SYNE1: variants seen among roughly 807,000 people sequenced by gnomAD.
SYNE1 encodes the protein spectrin repeat containing nuclear envelope protein 1.
A neutral mutation model predicts 1,111.0 loss-of-function variants in SYNE1; 616 were observed. The ratio of observed to expected loss-of-function variants is 0.55; its 90% CI spans 0.52 to 0.59. SYNE1 has a LOEUF of 0.59. Among genes scored for constraint, SYNE1 ranks in the 20% least tolerant of loss-of-function variants. The pLI is 0.00. For synonymous variants in SYNE1, 3,855 were observed against 3,825.8 expected (o/e 1.01, Z -0.28); for missense variants, 10,006 against 10,417.0 (o/e 0.96, Z 1.72).
chr6:152,125,355 T>C, intron 145 of SYNE1: 1 of 1,550,048 alleles, frequency 6.5e-7, no homozygotes. Context: ...CTAAAGCCTC[T>C]GGTCATAAGG....
chr6:152,468,878 C>T (rs1014222686), intron 16 of SYNE1, among the ~76,000 whole-genome samples: 1 of 152,108 alleles, frequency 6.6e-6, no homozygotes, highest in Admixed American at 6.6e-5. Flanking sequence ...AGGGCTCAAG[C>T]CATCCTCCTG....
chr6:152,526,592 A>G (rs1384881985), intron 4 of SYNE1, among the ~76,000 whole-genome samples: 1 of 152,196 alleles, frequency 6.6e-6, no homozygotes, highest in Non-Finnish European at 1.5e-5. Flanking sequence ...TGCAAGACAC[A>G]TTACTGGGGC....
At chr6:152,265,237 C>T (rs1228036589) in intron 100 of SYNE1, among the ~76,000 whole-genome samples, 1 of 124,162 alleles carries the variant, frequency 8.1e-6, no homozygotes, top group Non-Finnish European at 1.7e-5. Flanking sequence ...GCAATAGTAA[C>T]AATAATAATA....
At position 152,215,239 on chromosome 6, in the gene SYNE1, T is replaced by A. The variant is rs2763030; in HGVS notation, c.22192-179A>T. 0.84 allele frequency among the ~76,000 whole-genome samples: 127,457 copies of A among 152,162 alleles called. 53,479 individuals are homozygous for A. The highest frequency in any genetic ancestry group is 0.86 in the African/African-American group (35,785 of 41,514). On this transcript the variant is annotated intron_variant, in intron 121 of 145. Coordinates refer to ENST00000367255, the MANE Select transcript of SYNE1 (RefSeq NM_182961.4). Reference sequence around the variant, plus strand: ...CGAATAGCGAAAAGCCAAATCTACTTTTCAGTCTAAACTGCTGCTGCTGCT... The same window carrying A: ...CGAATAGCGAAAAGCCAAATCTACTATTCAGTCTAAACTGCTGCTGCTGCT...
At chr6:152,306,301 C>T (rs1035192133) in intron 91 of SYNE1, among the ~76,000 whole-genome samples, 3 of 152,046 alleles carry the variant, frequency 2.0e-5, no homozygotes, top group South Asian at 2.1e-4. Context: ...GCCTGGCCAA[C>T]GTGGTGAAAC....
At chr6:152,486,010 C>T (rs1638714581) in intron 12 of SYNE1, among the ~76,000 whole-genome samples, 1 of 152,054 alleles carries the variant, frequency 6.6e-6, no homozygotes, top group South Asian at 2.1e-4. Flanking sequence ...TCCTGGCCAA[C>T]ATGGTGAAAG....
chr6:152,175,394 C>A (rs976685514), intron 130 of SYNE1, among the ~76,000 whole-genome samples: 1 of 152,148 alleles, frequency 6.6e-6, no homozygotes, highest in African/African-American at 2.4e-5. Context: ...GCACATGGTA[C>A]GCAGAGGACA....
intron 16 of SYNE1, among the ~76,000 whole-genome samples, chr6:152,466,916 T>G (rs2098772774): frequency 6.6e-6 from 1 of 152,124 alleles, no homozygotes; most frequent in Non-Finnish European, 1.5e-5. Context: ...TTGATAAATG[T>G]CACGGTCATA....
chr6:152,288,194 T>G (rs2094430698), intron 95 of SYNE1, among the ~76,000 whole-genome samples: 1 of 152,068 alleles, frequency 6.6e-6, no homozygotes, highest in Non-Finnish European at 1.5e-5. Context: ...CACACTGTGT[T>G]CATTCTCATC....
At chr6:152,236,003 A>G in intron 110 of SYNE1, 104 bp downstream of exon 110, 1 of 1,315,558 alleles carries the variant, frequency 7.6e-7, no homozygotes, top group Non-Finnish European at 1.1e-6. Flanking sequence ...TTGGCCACCC[A>G]AGTAATGAGA....
chr6:152,383,083 A>G (rs543902132), intron 55 of SYNE1, among the ~76,000 whole-genome samples: 1 of 152,270 alleles, frequency 6.6e-6, no homozygotes, highest in African/African-American at 2.4e-5. Context: ...ATTTCCTCCA[A>G]GGTTTTTAAA....
At chr6:152,428,171 G>A in intron 37 of SYNE1, 34 bp downstream of exon 37, 1 of 1,609,946 alleles carries the variant, frequency 6.2e-7, no homozygotes, top group Non-Finnish European at 8.5e-7. Context: ...TTCCTATTTA[G>A]TAGTGCAGCA....
intron 4 of SYNE1, among the ~76,000 whole-genome samples, chr6:152,534,772 A>G (rs1272664548): frequency 6.6e-6 from 1 of 152,234 alleles, no homozygotes; most frequent in African/African-American, 2.4e-5. Context: ...GTTATCTTTC[A>G]GCACTGCTGG....
chr6:152,419,462 A>T (rs1447256538), intron 40 of SYNE1, 107 bp downstream of exon 40: 1 of 1,177,604 alleles, frequency 8.5e-7, no homozygotes, highest in Admixed American at 2.6e-5. Flanking sequence ...TAAAAAGTTA[A>T]ATTCTCACCA....
chr6:152,453,001 T>A (rs556520607), intron 25 of SYNE1, among the ~76,000 whole-genome samples: 1 of 152,350 alleles, frequency 6.6e-6, no homozygotes, highest in Admixed American at 6.5e-5. Flanking sequence ...TCCACCTCCC[T>A]CTTTCAAAGC....
At chr6:152,559,635 G>A (rs1000468884) in intron 3 of SYNE1, among the ~76,000 whole-genome samples, 1 of 152,084 alleles carries the variant, frequency 6.6e-6, no homozygotes, top group Non-Finnish European at 1.5e-5. Flanking sequence ...AACAAAATAA[G>A]TTCTAAGAGG....
intron 4 of SYNE1, among the ~76,000 whole-genome samples, chr6:152,538,438 C>T (rs1371570867): frequency 6.6e-6 from 1 of 152,032 alleles, no homozygotes; most frequent in East Asian, 1.9e-4. Flanking sequence ...GAACAATATC[C>T]TATAAAACCA....
Position 152,505,338 on chromosome 6 carries a change from T to C in SYNE1, c.641A>G (p.His214Arg), listed in dbSNP as rs1564513357. 2.5e-6 allele frequency: 4 copies of C among 1,614,020 alleles called. No homozygotes were observed. The highest frequency in any genetic ancestry group is 3.4e-6 in the Non-Finnish European group (4 of 1,180,016). The change falls in exon 9 of 146, where the codon CAT (histidine) becomes CGT (arginine). Residue 214 changes from histidine (H) to arginine (R), a missense_variant. His to Arg is a conservative substitution (Grantham distance 29). Around this residue, in one of 7 missense-constraint regions of SYNE1, gnomAD observed 1,971 missense variants for 2,084.1 expected, o/e 0.95. Coordinates refer to ENST00000367255, the MANE Select transcript of SYNE1 (RefSeq NM_182961.4). The stretch of plus-strand genomic sequence containing the variant: ...CGGTCGAATGGCATGAATAACTGAA[T>C]GAAAGGCAACCCCGCTTCTCCAACT... ...GKSWRSGVAF[H>R]SVIHAIRPEL...
intron 4 of SYNE1, among the ~76,000 whole-genome samples, chr6:152,536,433 A>ATTACTATATATAGTAATATATATATT (rs372742862): frequency 2.3e-5 from 3 of 128,462 alleles, no homozygotes; most frequent in East Asian, 2.1e-4. Flanking sequence ...TTATATATAT[A>ATTACTATATATAGTAATATATATATT]ACTATATATA....
Sources: allele counts gnomAD v4.1 joint callset (sites outside exome capture counted in the v4.1 genomes callset), GRCh38; gene constraint gnomAD v4.1.1; regional missense constraint gnomAD v4.1.1; transcripts MANE v1.5; gene names NCBI Gene and HGNC (gene_info 2026-07-23, HGNC 2026-07-21).